The following SEMA5A variants were observed in gnomAD, a reference collection of about 807,000 sequenced individuals.
SEMA5A encodes semaphorin 5A, also known as semaphorin-5A.
SEMA5A carries 55 observed loss-of-function variants against 135.5 expected under a neutral mutation model. That is an observed-to-expected ratio of 0.41 (90% CI 0.33 to 0.51). The LOEUF (loss-of-function observed/expected upper bound fraction) is 0.51, where lower values mean the gene tolerates loss of function less well. Ranked by LOEUF, SEMA5A falls within the 20% of genes least tolerant of loss-of-function variation. The pLI, the probability that SEMA5A is intolerant of heterozygous loss-of-function variation, is 0.37. For missense variants in SEMA5A, 1,290 were observed against 1,419.9 expected, an observed-to-expected ratio of 0.91 and a Z score of 1.47; for synonymous variants, 580 against 546.5, an observed-to-expected ratio of 1.06 and a Z score of -0.85.
chr5:9,434,538 G>A (rs1579534209), intron 2 of SEMA5A, among the ~76,000 whole-genome samples: 2 of 151,972 alleles, frequency 1.3e-5, no homozygotes, highest in South Asian at 4.1e-4. Flanking sequence ...TTAGAGTATG[G>A]TATATATTAA....
intron 16 of SEMA5A, among the ~76,000 whole-genome samples, chr5:9,101,131 C>A (rs1739606653): frequency 6.6e-6 from 1 of 152,230 alleles, no homozygotes; most frequent in Non-Finnish European, 1.5e-5. Flanking sequence ...GAACCATTCA[C>A]TTTATCGAAT....
chr5:9,391,190 A>T (rs1389028338), intron 2 of SEMA5A, among the ~76,000 whole-genome samples: 1 of 152,148 alleles, frequency 6.6e-6, no homozygotes, highest in South Asian at 2.1e-4. Flanking sequence ...GGAAAATTTC[A>T]CTAAGTAACT....
At chr5:9,407,984 C>T (rs1756953247) in intron 2 of SEMA5A, among the ~76,000 whole-genome samples, 1 of 107,070 alleles carries the variant, frequency 9.3e-6, no homozygotes, top group South Asian at 2.7e-4. Flanking sequence ...GCCACCATCA[C>T]TACTACTGCC....
chr5:9,161,235 G>A (rs2619915), intron 11 of SEMA5A, among the ~76,000 whole-genome samples: 97,591 of 151,816 alleles, frequency 0.64, 31,527 homozygotes, highest in Middle Eastern at 0.66. Flanking sequence ...TCATGGGAAC[G>A]CAGTGACCTG....
intron 5 of SEMA5A, among the ~76,000 whole-genome samples, chr5:9,317,967 G>A (rs1348509854): frequency 1.3e-5 from 2 of 152,076 alleles, no homozygotes; most frequent in African/African-American, 2.4e-5. Context: ...TCATATTTAT[G>A]TTAATATAAA....
intron 2 of SEMA5A, among the ~76,000 whole-genome samples, chr5:9,410,358 C>T (rs908156922): frequency 2.0e-5 from 3 of 152,156 alleles, no homozygotes; most frequent in Non-Finnish European, 2.9e-5. Context: ...TTTCTTAATT[C>T]ACCTTTTGAA....
At chr5:9,353,337 T>G (rs10454956) in intron 3 of SEMA5A, among the ~76,000 whole-genome samples, 26,695 of 52,812 alleles carry the variant, frequency 0.51, 6,429 homozygotes, top group East Asian at 0.6. Flanking sequence ...GGAAAGGAAA[T>G]GAAAGGAAAG....
intron 18 of SEMA5A, among the ~76,000 whole-genome samples, chr5:9,057,208 C>T (rs1341830301): frequency 6.6e-6 from 1 of 152,136 alleles, no homozygotes; most frequent in African/African-American, 2.4e-5. Flanking sequence ...TACTATACAT[C>T]GTTGTATACC....
At chr5:9,145,075 G>C (rs1742260329) in intron 12 of SEMA5A, among the ~76,000 whole-genome samples, 1 of 145,468 alleles carries the variant, frequency 6.9e-6, no homozygotes, top group East Asian at 2.0e-4. Flanking sequence ...TTTTTATTTT[G>C]ACTTACATCT....
At chr5:9,288,272 C>T (rs944608670) in intron 5 of SEMA5A, among the ~76,000 whole-genome samples, 3 of 152,212 alleles carry the variant, frequency 2.0e-5, no homozygotes, top group Admixed American at 2.0e-4. Context: ...TACTAAGGGG[C>T]CCAAAGGAAT....
chr5:9,133,857 G>A (rs1037301189), intron 13 of SEMA5A, among the ~76,000 whole-genome samples: 4 of 147,022 alleles, frequency 2.7e-5, no homozygotes, highest in Non-Finnish European at 6.0e-5. Flanking sequence ...CTTTGGCTCT[G>A]TGTCCCCACC....
chr5:9,489,097 T>C (rs1240718118), intron 1 of SEMA5A, among the ~76,000 whole-genome samples: 1 of 152,096 alleles, frequency 6.6e-6, no homozygotes, highest in Non-Finnish European at 1.5e-5. Flanking sequence ...TCTCAAGGGC[T>C]TTCCCAATAC....
At chr5:9,189,508 G>A (rs1344436124) in intron 11 of SEMA5A, among the ~76,000 whole-genome samples, 2 of 151,894 alleles carry the variant, frequency 1.3e-5, no homozygotes, top group African/African-American at 4.8e-5. Flanking sequence ...AACAGTAATC[G>A]TGATCCATGA....
chr5:9,383,712 C>T (rs1755711854), intron 2 of SEMA5A, among the ~76,000 whole-genome samples: 1 of 152,196 alleles, frequency 6.6e-6, no homozygotes, highest in Non-Finnish European at 1.5e-5. Context: ...AACATAGATT[C>T]CCCTTCTGCT....
intron 5 of SEMA5A, among the ~76,000 whole-genome samples, chr5:9,294,855 C>T (rs1751253753): frequency 1.3e-5 from 2 of 152,024 alleles, no homozygotes; most frequent in Admixed American, 6.6e-5. Context: ...GTCTGTTTTC[C>T]TCCTTCATCC....
chr5:9,226,056 C>T (rs959116277), intron 7 of SEMA5A, among the ~76,000 whole-genome samples: 6 of 152,144 alleles, frequency 3.9e-5, no homozygotes, highest in African/African-American at 1.2e-4. Context: ...CTGGTGAAAG[C>T]GCCCAGGGCA....
chr5:9,195,302 A>G (rs1440824497), intron 10 of SEMA5A, among the ~76,000 whole-genome samples: 1 of 152,078 alleles, frequency 6.6e-6, no homozygotes, highest in African/African-American at 2.4e-5. Context: ...AATAGCTAGG[A>G]CTATAGATGC....
chr5:9,061,107 T>C (rs539368019), intron 18 of SEMA5A, among the ~76,000 whole-genome samples: 1 of 151,808 alleles, frequency 6.6e-6, no homozygotes, highest in Non-Finnish European at 1.5e-5. Flanking sequence ...TTGGTGGATA[T>C]AGCCACTGCA....
chr5:9,137,474 G>C (rs1741823658), intron 12 of SEMA5A, among the ~76,000 whole-genome samples: 1 of 152,190 alleles, frequency 6.6e-6, no homozygotes, highest in African/African-American at 2.4e-5. Context: ...GAGGGAGGAA[G>C]AAGACGGAGA....
Sources: allele counts gnomAD v4.1 joint callset (sites outside exome capture counted in the v4.1 genomes callset), GRCh38; gene constraint gnomAD v4.1.1; transcripts MANE v1.5; gene names NCBI Gene and HGNC (gene_info 2026-07-23, HGNC 2026-07-21).